The following EPS15L1 variants were observed in gnomAD, a reference collection of about 807,000 sequenced individuals.
EPS15L1 encodes the protein epidermal growth factor receptor substrate 15-like 1.
In EPS15L1, 43 loss-of-function variants were observed where a neutral mutation model predicts 117.1. The ratio of observed to expected loss-of-function variants is 0.37; its 90% CI spans 0.29 to 0.47. EPS15L1 has a LOEUF of 0.47. EPS15L1 is among the 20% of genes least tolerant of loss of function. The probability of loss-of-function intolerance (pLI) is 0.99; values close to 1 mark genes in which losing one functional copy is unlikely to be tolerated. For synonymous variants in EPS15L1, 459 were observed against 470.5 expected, an observed-to-expected ratio of 0.98 and a Z score of 0.32; for missense variants, 981 against 1,164.0, an observed-to-expected ratio of 0.84 and a Z score of 2.29.
At chr19:16,442,284 C>T in intron 1 of EPS15L1, 65 bp from the exon 2 acceptor site, 1 of 1,442,974 alleles carries the variant, frequency 6.9e-7, no homozygotes, top group Non-Finnish European at 9.7e-7. Flanking sequence ...AAAAGGGTTG[C>T]CCCCTCAATT....
intron 3 of EPS15L1, 65 bp downstream of exon 3, chr19:16,441,827 C>A: frequency 7.3e-7 from 1 of 1,361,318 alleles, no homozygotes; most frequent in East Asian, 2.3e-5. Flanking sequence ...ACAGGCTGGC[C>A]CTGACCTGCG....
At chr19:16,447,169 C>T (rs1418069715) in intron 1 of EPS15L1, among the ~76,000 whole-genome samples, 3 of 152,072 alleles carry the variant, frequency 2.0e-5, no homozygotes, top group East Asian at 1.9e-4. Context: ...GTGGCAAGCA[C>T]GGGGCAGAAC....
At chr19:16,382,441 AG>A (rs1340900409) in intron 21 of EPS15L1, among the ~76,000 whole-genome samples, 2 of 152,214 alleles carry the variant, frequency 1.3e-5, no homozygotes, top group Non-Finnish European at 2.9e-5. Context: ...AAAGGAAGAC[AG>A]AAAAAGCTAC....
rs968797325 is a variant in EPS15L1, at chr19:16,388,919, AAC to A, written c.2104-2690_2104-2689del. Reference sequence around the variant, plus strand: ...AAAAACACACTAAACAAACAAACAAAACCCCAACAACCTACATCAAACACAAT... The same window carrying A: ...AAAAACACACTAAACAAACAAACAAACCCAACAACCTACATCAAACACAAT... On this transcript the variant is annotated intron_variant, in intron 19 of 23. Coordinates refer to ENST00000455140, the MANE Select transcript of EPS15L1 (RefSeq NM_001258374.3). Among the ~76,000 whole-genome samples the A allele has an allele frequency of 9.9e-5, 15 of 152,030 alleles. No individual in the cohort carries two copies. In the East Asian group the frequency reaches 1.9e-3, roughly 20 times the overall value.
chr19:16,456,603 A>T (rs2093198933), intron 1 of EPS15L1, among the ~76,000 whole-genome samples: 1 of 152,130 alleles, frequency 6.6e-6, no homozygotes. Context: ...GGTTGCAGTG[A>T]GCCAAGATGA....
intron 22 of EPS15L1, among the ~76,000 whole-genome samples, chr19:16,364,924 G>T (rs1241673372): frequency 1.3e-5 from 2 of 152,222 alleles, no homozygotes; most frequent in East Asian, 3.8e-4. Flanking sequence ...ACACAGGTGG[G>T]CCCCAGCACC....
At chr19:16,452,400 T>A (rs2093154130) in intron 1 of EPS15L1, among the ~76,000 whole-genome samples, 1 of 148,978 alleles carries the variant, frequency 6.7e-6, no homozygotes, top group Non-Finnish European at 1.5e-5. Context: ...GAGCTGAGAT[T>A]ATGCTACTGC....
At chr19:16,372,399 G>T (rs1236097976) in intron 22 of EPS15L1, among the ~76,000 whole-genome samples, 1 of 152,186 alleles carries the variant, frequency 6.6e-6, no homozygotes, top group East Asian at 1.9e-4. Flanking sequence ...GAAAACTGCA[G>T]CCTCTAGAAC....
chr19:16,391,552 A>C (rs1459324713), intron 19 of EPS15L1, among the ~76,000 whole-genome samples: 1 of 151,552 alleles, frequency 6.6e-6, no homozygotes, highest in Non-Finnish European at 1.5e-5. Context: ...GTTGCAGCCT[A>C]GAAAACGGAA....
At chr19:16,361,269 A>AT (rs1216503558) in intron 23 of EPS15L1, among the ~76,000 whole-genome samples, 3 of 151,136 alleles carry the variant, frequency 2.0e-5, no homozygotes, top group Admixed American at 1.3e-4. Context: ...AAAAAAAAAA[A>AT]ACTTCAAATT....
At chr19:16,427,820 G>T (rs2092886872) in intron 8 of EPS15L1, among the ~76,000 whole-genome samples, 2 of 152,166 alleles carry the variant, frequency 1.3e-5, no homozygotes, top group Admixed American at 6.5e-5. Flanking sequence ...CTTGAACCCA[G>T]GAGGTGGAGG....
intron 19 of EPS15L1, among the ~76,000 whole-genome samples, chr19:16,390,796 G>T (rs1031951558): frequency 6.6e-6 from 1 of 152,104 alleles, no homozygotes; most frequent in Non-Finnish European, 1.5e-5. Flanking sequence ...TCTCAAAACT[G>T]AATGGCAATG....
chr19:16,413,334 C>T, intron 13 of EPS15L1: 1 of 686,978 alleles, frequency 1.5e-6, no homozygotes, highest in Non-Finnish European at 2.6e-6. Flanking sequence ...CAAGAAGCTG[C>T]TCATGATGGC....
chr19:16,446,703 GC>G (rs1407726537), intron 1 of EPS15L1, among the ~76,000 whole-genome samples: 3 of 152,138 alleles, frequency 2.0e-5, no homozygotes, highest in Admixed American at 2.0e-4. Flanking sequence ...GTGTCACAGG[GC>G]TGTGCACCGG....
chr19:16,376,163 T>G lies in EPS15L1; in HGVS notation c.2380+959A>C, dbSNP rs201091846. Among the ~76,000 whole-genome samples, 6 of 151,582 alleles carry G rather than the reference T, an allele frequency of 4.0e-5. No individual in the cohort carries two copies. In the East Asian group the frequency reaches 1.2e-3, roughly 29 times the overall value. On this transcript the variant is annotated intron_variant, in intron 22 of 23. Transcript: ENST00000455140. ...GTAACAGAAGGCATGATCCTGGGAG[T>G]GCGTGGGTCTCCTGTGGCTGCCCAC...
chr19:16,446,499 C>G (rs1019222472), intron 1 of EPS15L1, among the ~76,000 whole-genome samples: 18 of 152,190 alleles, frequency 1.2e-4, no homozygotes, highest in Non-Finnish European at 2.1e-4. Context: ...CCCTTGTTTC[C>G]TATCCAGTAC....
At position 16,355,420 on chromosome 19, in the gene EPS15L1, TG is replaced by T. The variant is rs1276434742; in HGVS notation, c.*284del. On this transcript the variant is annotated 3_prime_UTR_variant, in exon 24 of 24. Transcript: ENST00000455140. ...GTGCTTCCTCTCCTCGACTGACCGC[TG>T]TGTGTTCGTCCCCAGAGGAAGAGCG... 2.5e-6 allele frequency: 1 copy of T among 400,312 alleles called. No homozygotes were observed. Among genetic ancestry groups the T allele is most frequent in the Non-Finnish European group, 4.5e-6 (1 of 220,890 alleles). The allele number at this position is 400,312 out of a possible 1,614,324, so 24.8% of individuals were successfully genotyped here.
intron 6 of EPS15L1, 115 bp downstream of exon 6, chr19:16,436,822 A>T: frequency 1.2e-6 from 1 of 815,438 alleles, no homozygotes; most frequent in South Asian, 1.8e-5. Flanking sequence ...CAATCATCCT[A>T]TAAAATGTTC....
chr19:16,408,657 CAAA>C (rs771355456), intron 13 of EPS15L1, among the ~76,000 whole-genome samples: 2 of 106,922 alleles, frequency 1.9e-5, no homozygotes. Context: ...GACTCCGTCT[CAAA>C]AAAAAAAAAA....
Sources: allele counts gnomAD v4.1 joint callset (sites outside exome capture counted in the v4.1 genomes callset), GRCh38; gene constraint gnomAD v4.1.1; transcripts MANE v1.5; gene names NCBI Gene and HGNC (gene_info 2026-07-23, HGNC 2026-07-21).